SAMD5: variants seen among roughly 807,000 people sequenced by gnomAD.
SAMD5 encodes sterile alpha motif domain containing 5, also known as sterile alpha motif domain-containing protein 5.
SAMD5 carries 13 observed loss-of-function variants against 11.3 expected under a neutral mutation model. The ratio of observed to expected loss-of-function variants is 1.15; its 90% CI spans 0.75 to 1.83. The LOEUF (loss-of-function observed/expected upper bound fraction) is 1.83, where lower values mean the gene tolerates loss of function less well. Among genes scored for constraint, SAMD5 ranks in the 40% most tolerant of loss-of-function variants. The pLI is 0.00. For missense variants in SAMD5, 255 were observed against 239.1 expected (o/e 1.07, Z -0.44); for synonymous variants, 129 against 111.3 (o/e 1.16, Z -1.00).
At chr6:147,549,305 A>C (rs1419580615) in intron 1 of SAMD5, among the ~76,000 whole-genome samples, 1 of 152,174 alleles carries the variant, frequency 6.6e-6, no homozygotes, top group Admixed American at 6.5e-5. Flanking sequence ...GGTGCACCCT[A>C]GCAGCTCATT....
chr6:147,693,405 C>T (rs1791131345), intron 1 of SAMD5, among the ~76,000 whole-genome samples: 1 of 152,160 alleles, frequency 6.6e-6, no homozygotes, highest in Non-Finnish European at 1.5e-5. Context: ...TAATTGGGTA[C>T]TTGAGGAAGA....
chr6:147,725,680 T>C (rs7767075), intron 1 of SAMD5, among the ~76,000 whole-genome samples: 114,065 of 152,190 alleles, frequency 0.75, 43,753 homozygotes, highest in African/African-American at 0.91. Context: ...TGAGCCACTG[T>C]ACCCAGCCTT....
the SAMD5 span, among the ~76,000 whole-genome samples, chr6:147,799,956 A>G: frequency 7.9e-5 from 12 of 151,910 alleles, no homozygotes; most frequent in East Asian, 2.3e-3. Flanking sequence ...TGGTTATTCT[A>G]GTTATACATT....
chr6:147,846,774 C>T, the SAMD5 span, among the ~76,000 whole-genome samples: 5 of 152,128 alleles, frequency 3.3e-5, no homozygotes, highest in East Asian at 9.6e-4. Context: ...ACGCTGAGAT[C>T]GTGTCACTGC....
chr6:147,733,384 G>A (rs376712658), intron 1 of SAMD5, among the ~76,000 whole-genome samples: 6 of 152,228 alleles, frequency 3.9e-5, no homozygotes, highest in African/African-American at 1.2e-4. Context: ...TTCTTTCCTG[G>A]AAGTGTGGGT....
At chr6:147,536,776 G>A (rs531067837) in intron 1 of SAMD5, among the ~76,000 whole-genome samples, 2 of 151,954 alleles carry the variant, frequency 1.3e-5, no homozygotes, top group South Asian at 2.1e-4. Flanking sequence ...TAACATTACA[G>A]AATTTTTCTA....
chr6:147,941,548 A>G, the SAMD5 span, among the ~76,000 whole-genome samples: 50,314 of 151,900 alleles, frequency 0.33, 8,816 homozygotes, highest in South Asian at 0.53. Context: ...GAAATAGAAT[A>G]TGTTTTTTTT....
chr6:147,577,109 C>T (rs9322101), intron 1 of SAMD5, among the ~76,000 whole-genome samples: 94,414 of 152,078 alleles, frequency 0.62, 29,494 homozygotes, highest in South Asian at 0.73. Context: ...TGCAAATCTT[C>T]TCCTTCATGC....
chr6:147,643,478 G>A (rs555124693), intron 1 of SAMD5, among the ~76,000 whole-genome samples: 1 of 152,182 alleles, frequency 6.6e-6, no homozygotes, highest in African/African-American at 2.4e-5. Context: ...TCAAAAAGTG[G>A]CCGCCTGGTC....
chr6:147,847,006 T>C, the SAMD5 span, among the ~76,000 whole-genome samples: 2 of 152,226 alleles, frequency 1.3e-5, no homozygotes, highest in African/African-American at 2.4e-5. Context: ...GGTTGGTAGA[T>C]ATCAAGAAGT....
chr6:147,560,169 A>G (rs1788925735), intron 1 of SAMD5, among the ~76,000 whole-genome samples: 1 of 152,236 alleles, frequency 6.6e-6, no homozygotes, highest in South Asian at 2.1e-4. Context: ...GAACAAATGT[A>G]AAATGTGGGG....
At chr6:147,895,288 C>T in the SAMD5 span, among the ~76,000 whole-genome samples, 1 of 152,070 alleles carries the variant, frequency 6.6e-6, no homozygotes, top group Admixed American at 6.6e-5. Context: ...CTGGAAAATG[C>T]CCTTGTTACA....
At chr6:147,944,905 C>T in the SAMD5 span, among the ~76,000 whole-genome samples, 17 of 152,204 alleles carry the variant, frequency 1.1e-4, no homozygotes, top group African/African-American at 4.1e-4. Context: ...TTTGTTGATC[C>T]ATTGTTCCAG....
intron 1 of SAMD5, among the ~76,000 whole-genome samples, chr6:147,703,506 C>T (rs768249423): frequency 1.3e-5 from 2 of 152,318 alleles, no homozygotes; most frequent in East Asian, 1.9e-4. Context: ...TTTCCACACA[C>T]GAGAACTTTT....
At chr6:147,816,297 A>ATATATATATATATATAT in the SAMD5 span, among the ~76,000 whole-genome samples, 2 of 86,610 alleles carry the variant, frequency 2.3e-5, no homozygotes, top group African/African-American at 1.3e-4. Context: ...AAAAAAAAAA[A>ATATATATATATATATAT]AAAAATATAT....
At chr6:147,937,817 A>G in the SAMD5 span, among the ~76,000 whole-genome samples, 7 of 152,156 alleles carry the variant, frequency 4.6e-5, no homozygotes, top group African/African-American at 1.7e-4. Flanking sequence ...TCTTTTTTTT[A>G]AGTTCAAATT....
intron 1 of SAMD5, among the ~76,000 whole-genome samples, chr6:147,530,401 A>C (rs1420889598): frequency 6.6e-6 from 1 of 152,250 alleles, no homozygotes; most frequent in African/African-American, 2.4e-5. Flanking sequence ...CAAAGGCGGC[A>C]GGTGCGGATG....
the SAMD5 span, among the ~76,000 whole-genome samples, chr6:147,848,329 T>G: frequency 6.6e-6 from 1 of 152,190 alleles, no homozygotes; most frequent in Non-Finnish European, 1.5e-5. Flanking sequence ...TCTGTGATAA[T>G]TCAGAGCCCC....
intron 1 of SAMD5, among the ~76,000 whole-genome samples, chr6:147,607,077 G>T (rs1451517588): frequency 6.6e-6 from 1 of 151,876 alleles, no homozygotes; most frequent in Non-Finnish European, 1.5e-5. Context: ...TTGCAACCAT[G>T]CTGGACATTA....
Sources: gnomAD v4.1 joint callset for allele counts (sites outside exome capture counted in the v4.1 genomes callset) on GRCh38, gnomAD v4.1.1 for gene constraint, MANE v1.5 for transcripts, NCBI Gene and HGNC (gene_info 2026-07-23, HGNC 2026-07-21) for gene names.